Variants in PCP4 observed in about 807,000 individuals in gnomAD.
PCP4 encodes the protein calmodulin regulator protein PCP4.
Under a neutral mutation model 10.0 loss-of-function variants are expected in PCP4, and 8 were observed. The ratio of observed to expected loss-of-function variants is 0.80; its 90% CI spans 0.47 to 1.45. The LOEUF is 1.45. PCP4 is among the 40% of genes most tolerant of loss of function. The probability of loss-of-function intolerance (pLI) is 0.00; values close to 1 mark genes in which losing one functional copy is unlikely to be tolerated. For synonymous variants in PCP4, 21 were observed against 23.0 expected (o/e 0.91, Z 0.24); for missense variants, 54 against 74.4 (o/e 0.73, Z 1.01).
chr21:39,909,773 A>C (rs1046792982), intron 2 of PCP4, among the ~76,000 whole-genome samples: 1 of 149,652 alleles, frequency 6.7e-6, no homozygotes, highest in Admixed American at 6.7e-5. Flanking sequence ...GCTTCTTCAA[A>C]ATTTCTTCCT....
At chr21:39,907,487 T>C (rs970818530) in intron 2 of PCP4, among the ~76,000 whole-genome samples, 3 of 152,210 alleles carry the variant, frequency 2.0e-5, no homozygotes, top group East Asian at 3.9e-4. Flanking sequence ...CTGTGGCAAC[T>C]TTGCAGAGAC....
chr21:39,885,532 T>C (rs372352780), intron 1 of PCP4, among the ~76,000 whole-genome samples: 2 of 152,306 alleles, frequency 1.3e-5, no homozygotes, highest in South Asian at 2.1e-4. Context: ...GGAGGACACA[T>C]CTCTTCTTTC....
intron 1 of PCP4, among the ~76,000 whole-genome samples, chr21:39,878,657 A>G (rs1568850169): frequency 1.3e-5 from 2 of 152,222 alleles, no homozygotes; most frequent in Non-Finnish European, 2.9e-5. Flanking sequence ...ACATGATCCA[A>G]TTGTGAGAAC....
At chr21:39,891,909 G>A (rs2087433966) in intron 1 of PCP4, among the ~76,000 whole-genome samples, 1 of 152,258 alleles carries the variant, frequency 6.6e-6, no homozygotes, top group African/African-American at 2.4e-5. Context: ...GAGTACGGGA[G>A]GAGCATGAAA....
chr21:39,892,227 G>C (rs562235987), intron 1 of PCP4, among the ~76,000 whole-genome samples: 1 of 152,290 alleles, frequency 6.6e-6, no homozygotes, highest in African/African-American at 2.4e-5. Context: ...CTCACCCCAT[G>C]TCCGCCGGTT....
At chr21:39,873,806 T>G (rs1382562143) in intron 1 of PCP4, among the ~76,000 whole-genome samples, 7 of 152,210 alleles carry the variant, frequency 4.6e-5, no homozygotes, top group Admixed American at 4.6e-4. Context: ...AAATGCCACA[T>G]TCATGTTGGG....
intron 2 of PCP4, among the ~76,000 whole-genome samples, chr21:39,900,571 C>T (rs2087478161): frequency 6.6e-6 from 1 of 152,062 alleles, no homozygotes; most frequent in Non-Finnish European, 1.5e-5. Context: ...ACCACAGCTG[C>T]CTGTAACAAG....
At chr21:39,891,509 C>T (rs934802811) in intron 1 of PCP4, among the ~76,000 whole-genome samples, 1 of 152,132 alleles carries the variant, frequency 6.6e-6, no homozygotes, top group Admixed American at 6.5e-5. Flanking sequence ...CGGGGCTTAG[C>T]GGGTATTCTC....
intron 2 of PCP4, among the ~76,000 whole-genome samples, chr21:39,918,069 G>A (rs2087577611): frequency 6.6e-6 from 1 of 152,148 alleles, no homozygotes; most frequent in South Asian, 2.1e-4. Flanking sequence ...CCAGCCTCCT[G>A]GATGTGAGAA....
chr21:39,888,301 G>A (rs1434010654), intron 1 of PCP4, among the ~76,000 whole-genome samples: 1 of 152,238 alleles, frequency 6.6e-6, no homozygotes, highest in East Asian at 1.9e-4. Flanking sequence ...GAAGTCAGAC[G>A]TTGGGAACGG....
rs386365913 is a variant in PCP4, at chr21:39,912,327, T to TTA, written c.61+13800_61+13801insTA. Among the ~76,000 whole-genome samples the TTA allele has an allele frequency of 1.3e-3, 191 of 150,270 alleles. 1 individual carries two copies. Among genetic ancestry groups the TTA allele is most frequent in the South Asian group, 0.012 (56 of 4,772 alleles). On this transcript the variant is annotated intron_variant, in intron 2 of 2. Coordinates refer to ENST00000328619, the MANE Select transcript of PCP4 (RefSeq NM_006198.3). ...CTTTTGAAAGGTTTTTTTTTTTTTT[T>TTA]AAAGTATTTCCAAACTGATTAATTT...
chr21:39,877,026 G>A (rs2087349614), intron 1 of PCP4, among the ~76,000 whole-genome samples: 1 of 152,236 alleles, frequency 6.6e-6, no homozygotes, highest in South Asian at 2.1e-4. Flanking sequence ...GGGACTGAGT[G>A]TCCAACGATG....
chr21:39,885,112 T>A (rs2087393680), intron 1 of PCP4, among the ~76,000 whole-genome samples: 1 of 152,190 alleles, frequency 6.6e-6, no homozygotes, highest in African/African-American at 2.4e-5. Context: ...CTGGTCCTTG[T>A]AAATTATGCC....
intron 1 of PCP4, among the ~76,000 whole-genome samples, chr21:39,897,385 CAAA>C (rs34312418): frequency 5.7e-5 from 5 of 87,648 alleles, no homozygotes; most frequent in African/African-American, 4.1e-5. Context: ...GACTCTGTCT[CAAA>C]AAAAAAAAAA....
At chr21:39,900,115 A>T (rs1828310292) in intron 2 of PCP4, among the ~76,000 whole-genome samples, 1 of 152,154 alleles carries the variant, frequency 6.6e-6, no homozygotes. Context: ...GCTCACTGCA[A>T]CGTCTGCCTC....
intron 2 of PCP4, among the ~76,000 whole-genome samples, chr21:39,900,915 GT>G (rs35476473): frequency 1 from 152,203 of 152,204 alleles, 76,101 homozygotes; most frequent in Middle Eastern, 1. Flanking sequence ...GTTTTAAATG[GT>G]TTTTCTTATT....
intron 2 of PCP4, among the ~76,000 whole-genome samples, chr21:39,919,848 G>A (rs902415849): frequency 2.0e-5 from 3 of 151,374 alleles, no homozygotes; most frequent in African/African-American, 7.3e-5. Context: ...TGTGTGTAGT[G>A]TGGTGTGTTT....
At chr21:39,925,045 C>T (rs1165700231) in intron 2 of PCP4, among the ~76,000 whole-genome samples, 2 of 152,250 alleles carry the variant, frequency 1.3e-5, no homozygotes, top group African/African-American at 4.8e-5. Flanking sequence ...TGCCCCTGGA[C>T]ACCTGTGCCC....
intron 1 of PCP4, among the ~76,000 whole-genome samples, chr21:39,891,340 T>TCACCTC (rs1264327348): frequency 6.6e-6 from 1 of 152,116 alleles, no homozygotes; most frequent in Non-Finnish European, 1.5e-5. Flanking sequence ...CCCACATCAA[T>TCACCTC]CACCTCCACC....
Sources: gnomAD v4.1 joint callset for allele counts (sites outside exome capture counted in the v4.1 genomes callset) on GRCh38, gnomAD v4.1.1 for gene constraint, MANE v1.5 for transcripts, NCBI Gene and HGNC (gene_info 2026-07-23, HGNC 2026-07-21) for gene names.